The following GRIN2D variants were observed in gnomAD, a reference collection of about 807,000 sequenced individuals.
GRIN2D encodes the protein glutamate receptor ionotropic, NMDA 2D.
In GRIN2D, 37 loss-of-function variants were observed where a neutral mutation model predicts 103.2. The observed-to-expected ratio is 0.36, with a 90% CI of 0.28 to 0.47. The LOEUF (loss-of-function observed/expected upper bound fraction) is 0.47, where lower values mean the gene tolerates loss of function less well. GRIN2D is among the 20% of genes least tolerant of loss of function. The pLI is 1.00. For synonymous variants in GRIN2D, 845 were observed against 885.6 expected (o/e 0.95, Z 0.81); for missense variants, 1,557 against 1,910.6 (o/e 0.81, Z 3.45).
At chr19:48,409,429 C>T (rs1203099321) in intron 4 of GRIN2D, among the ~76,000 whole-genome samples, 2 of 151,902 alleles carry the variant, frequency 1.3e-5, no homozygotes, top group African/African-American at 2.4e-5. Flanking sequence ...AGGTGCCTGC[C>T]ACCACACCTG....
Position 48,444,106 on chromosome 19 carries a change from G to A in GRIN2D, c.*169G>A. 1 of 450,328 alleles carries A rather than the reference G, an allele frequency of 2.2e-6. No individual in the cohort carries two copies. Among genetic ancestry groups the A allele is most frequent in the Non-Finnish European group, 3.9e-6 (1 of 259,664 alleles). 27.9% of individuals were successfully genotyped at this position (450,328 alleles called of 1,614,324 possible). A position where few individuals can be genotyped will look rare whatever the true frequency, so the allele number is the denominator to read the frequency against. On this transcript the variant is annotated 3_prime_UTR_variant, in exon 14 of 14. Coordinates refer to ENST00000263269, the MANE Select transcript of GRIN2D (RefSeq NM_000836.4). The surrounding 1 kb of genome is among the most constrained non-coding windows in gnomAD (Gnocchi z 5.5). ...CTGGTTCTGGAGGAACCGCAAGCCG[G>A]AGAGGATTTGGTCCCTCAACTATCA...
At position 48,443,468 on chromosome 19, in the gene GRIN2D, G is replaced by T. The variant is rs1316071837; in HGVS notation, c.3542G>T (p.Arg1181Leu). 1.4e-6 allele frequency: 2 copies of T among 1,382,196 alleles called. No individual in the cohort carries two copies. Among genetic ancestry groups the T allele is most frequent in the Non-Finnish European group, 9.3e-7 (1 of 1,070,970 alleles). The allele number at this position is 1,382,196 out of a possible 1,614,324, so 85.6% of individuals were successfully genotyped here. A position where few individuals can be genotyped will look rare whatever the true frequency, so the allele number is the denominator to read the frequency against. ...AGCGGTCCGGCCGCCTGGCACTGTC[G>T]GCACTGCGCCAGCCTGGAGCTGCTG... is the stretch of plus-strand genomic sequence containing the variant. ...PRSGPAAWHC[R>L]HCASLELLPP... is the part of the protein sequence containing the mutation. The change falls in exon 14 of 14, where the codon CGG becomes CTG. Residue 1181 changes from arginine to leucine, a missense_variant. By Grantham distance (102) the Arg-to-Leu change is moderately radical. Around this residue, in one of 7 missense-constraint regions of GRIN2D, gnomAD observed 632 missense variants for 572.8 expected, o/e 1.10. Transcript: ENST00000263269. The surrounding 1 kb of genome is among the most constrained non-coding windows in gnomAD (Gnocchi z 8.9).
chr19:48,409,282 T>C (rs1451780579), intron 4 of GRIN2D, among the ~76,000 whole-genome samples: 2 of 144,142 alleles, frequency 1.4e-5, no homozygotes, highest in East Asian at 2.0e-4. Context: ...TTCTTTTTTT[T>C]TTTTTTTTTT....
intron 3 of GRIN2D, among the ~76,000 whole-genome samples, chr19:48,404,396 G>A (rs1600971579): frequency 6.6e-6 from 1 of 152,156 alleles, no homozygotes; most frequent in South Asian, 2.1e-4. Context: ...GGCTGGGCAC[G>A]GCAGGAGAAT....
At chr19:48,397,185 G>A (rs1054204097) in intron 2 of GRIN2D, among the ~76,000 whole-genome samples, 10 of 152,072 alleles carry the variant, frequency 6.6e-5, no homozygotes, top group African/African-American at 2.2e-4. Context: ...TGAGGGGATG[G>A]GGACAGGACT....
At chr19:48,441,063 T>C (rs1971285300) in intron 11 of GRIN2D, among the ~76,000 whole-genome samples, 1 of 152,038 alleles carries the variant, frequency 6.6e-6, no homozygotes, top group Admixed American at 6.6e-5. Context: ...GGAATAACTA[T>C]TTCATTAACA....
chr19:48,406,353 G>A (rs754766089), intron 4 of GRIN2D, among the ~76,000 whole-genome samples: 5 of 152,216 alleles, frequency 3.3e-5, no homozygotes, highest in Admixed American at 1.3e-4. Flanking sequence ...TAGAAGAGGC[G>A]AACAGAGTTT....
At chr19:48,415,144 G>A in intron 7 of GRIN2D, 112 bp downstream of exon 7, 1 of 1,002,018 alleles carries the variant, frequency 1.0e-6, no homozygotes, top group South Asian at 1.6e-5. Context: ...GCCGAGGCGG[G>A]CGAATTGCCT....
At chr19:48,441,316 C>A (rs1423325097) in intron 11 of GRIN2D, among the ~76,000 whole-genome samples, 2 of 144,658 alleles carry the variant, frequency 1.4e-5, no homozygotes, top group Non-Finnish European at 3.0e-5. Flanking sequence ...TGAGCCGAGA[C>A]TGTGCCACTG....
At chr19:48,402,160 G>T (rs973939173) in intron 3 of GRIN2D, among the ~76,000 whole-genome samples, 1 of 141,050 alleles carries the variant, frequency 7.1e-6, no homozygotes, top group East Asian at 2.0e-4. Flanking sequence ...AAGAAAGAAA[G>T]AAAGAAAGAG....
At chr19:48,402,171 A>AGAGAGG (rs796442936) in intron 3 of GRIN2D, among the ~76,000 whole-genome samples, 5 of 151,924 alleles carry the variant, frequency 3.3e-5, no homozygotes, top group African/African-American at 9.7e-5. Context: ...AAAGAAAGAG[A>AGAGAGG]GAAAAGAAAA....
chr19:48,431,163 G>A (rs1971151250), intron 11 of GRIN2D, among the ~76,000 whole-genome samples: 1 of 152,048 alleles, frequency 6.6e-6, no homozygotes, highest in Non-Finnish European at 1.5e-5. Flanking sequence ...TGGCCTTCTG[G>A]CCTGCTCCAG....
rs1600998435 is a variant in GRIN2D, at chr19:48,443,436, C to T, written c.3510C>T (p.Pro1170=). ...GCGCCGGGAGCTGGGACTACCTGCC[C>T]CCGCGCAGCGGTCCGGCCGCCTGGC... is the stretch of plus-strand genomic sequence containing the variant. ...GWRAGSWDYL[P]PRSGPAAWHC... Residue 1170 remains proline (P), a synonymous_variant, in exon 14 of 14, where the codon CCC becomes CCT. Transcript: ENST00000263269. The surrounding 1 kb of genome is among the most constrained non-coding windows in gnomAD (Gnocchi z 8.9). 7.2e-7 allele frequency: 1 copy of T among 1,389,882 alleles called. No individual in the cohort carries two copies. Among genetic ancestry groups the T allele is most frequent in the Non-Finnish European group, 9.3e-7 (1 of 1,077,078 alleles). 86.1% of individuals were successfully genotyped at this position (1,389,882 alleles called of 1,614,324 possible).
intron 11 of GRIN2D, among the ~76,000 whole-genome samples, chr19:48,436,804 G>A (rs542030299): frequency 2.9e-4 from 44 of 152,314 alleles, no homozygotes; most frequent in African/African-American, 1.0e-3. Context: ...GGGCAGGAGC[G>A]AGCTGGAGAG....
chr19:48,413,099 G>T (rs1331297779), intron 4 of GRIN2D, among the ~76,000 whole-genome samples: 1 of 146,782 alleles, frequency 6.8e-6, no homozygotes, highest in South Asian at 2.1e-4. Context: ...CCATACCATT[G>T]CACTCCAGCC....
chr19:48,420,564 G>C (rs142922677), intron 10 of GRIN2D, among the ~76,000 whole-genome samples: 317 of 150,964 alleles, frequency 2.1e-3, no homozygotes, highest in African/African-American at 6.8e-3. Flanking sequence ...GGTGGCTCAC[G>C]CCTGTAATCC....
intron 4 of GRIN2D, among the ~76,000 whole-genome samples, chr19:48,411,909 G>A (rs2147447888): frequency 6.6e-6 from 1 of 152,100 alleles, no homozygotes; most frequent in African/African-American, 2.4e-5. Flanking sequence ...ACAGACTCTA[G>A]GGGCCTGGCA....
Position 48,415,001 on chromosome 19 carries a change from T to C in GRIN2D, c.1550T>C (p.Ile517Thr). 6.2e-7 allele frequency: 1 copy of C among 1,604,192 alleles called. No individual in the cohort carries two copies. The highest frequency in any genetic ancestry group is 8.5e-7 in the Non-Finnish European group (1 of 1,173,266). Residue 517 changes from isoleucine (I) to threonine (T), a missense_variant, in exon 7 of 14, where the codon ATC becomes ACC. Transcript: ENST00000263269. ...LVTNGKHGKK[I>T]DGVWNGMIGE... ...ACCAATGGCAAGCACGGAAAGAAGA[T>C]CGATGGCGTCTGGAACGGCATGATC...
rs779825562 is a variant in GRIN2D, at chr19:48,443,262, G to T, written c.3336G>T (p.Pro1112=). Residue 1112 remains proline (P), a synonymous_variant, in exon 14 of 14, where the codon CCG becomes CCT. Transcript: ENST00000263269. The surrounding 1 kb of genome is among the most constrained non-coding windows in gnomAD (Gnocchi z 8.9). ...PCPYLDLEPS[P]SDSEDSESLG... ...CTTACCTCGATCTCGAGCCGTCGCC[G>T]TCGGACTCGGAGGACTCGGAGAGCC... 56 of 1,467,432 alleles carry T rather than the reference G, an allele frequency of 3.8e-5. No homozygotes were observed. The African/African-American group carries it at 6.5e-4, about 17-fold the overall frequency. 90.9% of individuals were successfully genotyped at this position (1,467,432 alleles called of 1,614,324 possible). A position where few individuals can be genotyped will look rare whatever the true frequency, so the allele number is the denominator to read the frequency against.
Sources: gnomAD v4.1 joint callset for allele counts (sites outside exome capture counted in the v4.1 genomes callset) on GRCh38, gnomAD v4.1.1 for gene constraint, gnomAD v4.1.1 regional missense constraint, Gnocchi (gnomAD v3.1) non-coding constraint, MANE v1.5 for transcripts, NCBI Gene and HGNC (gene_info 2026-07-23, HGNC 2026-07-21) for gene names.